CDH11: variants seen among roughly 807,000 people sequenced by gnomAD.
The protein encoded by CDH11 is cadherin 11.
Under a neutral mutation model 67.8 loss-of-function variants are expected in CDH11, and 11 were observed. The ratio of observed to expected loss-of-function variants is 0.16; its 90% confidence interval spans 0.10 to 0.27. The LOEUF is 0.27. CDH11 is among the 10% of genes least tolerant of loss of function. The pLI is 1.00. For synonymous variants in CDH11, 419 were observed against 400.0 expected (o/e 1.05, Z -0.57); for missense variants, 847 against 1,031.2 (o/e 0.82, Z 2.45).
At chr16:65,031,275 C>T (rs577057157) in intron 2 of CDH11, among the ~76,000 whole-genome samples, 41 of 152,336 alleles carry the variant, frequency 2.7e-4, no homozygotes, top group Non-Finnish European at 5.0e-4. Flanking sequence ...GTGTATTAAG[C>T]AGAGGCAATA....
At chr16:64,950,638 C>A (rs1178118379) in intron 12 of CDH11, 129 bp downstream of exon 12, 17 of 609,426 alleles carry the variant, frequency 2.8e-5, no homozygotes, top group East Asian at 5.9e-5. Context: ...TACCCCACTT[C>A]TTTTCTTGAA....
Position 64,947,932 on chromosome 16 carries a change from T to G in CDH11, c.2062A>C (p.Asn688His). ...ATGTCTTTGCGGGGGATAAATCCAT[T>G]GATACCATCAGGATTCTGGAGGGTG... ...IATLQNPDGI[N>H]GFIPRKDIKP... The change falls in exon 13 of 13, where the codon AAT becomes CAT. Residue 688 changes from asparagine to histidine, a missense_variant. Physicochemically the swap from Asn to His is moderately conservative, Grantham distance 68 (BLOSUM62 1). Coordinates refer to ENST00000268603, the MANE Select transcript of CDH11 (RefSeq NM_001797.4). 6.2e-7 allele frequency: 1 copy of G among 1,614,170 alleles called. No homozygotes were observed. The highest frequency in any genetic ancestry group is 8.5e-7 in the Non-Finnish European group (1 of 1,180,024).
chr16:65,070,310 C>T lies in CDH11; in HGVS notation c.-297-16382G>A, dbSNP rs570109691. On this transcript the variant is annotated intron_variant, in intron 1 of 12. Coordinates refer to ENST00000268603, the MANE Select transcript of CDH11 (RefSeq NM_001797.4). ...CTCCTCATGTCCACAAAAGCAAACA[C>T]CTATCCAGTAGGAGAGTGAAGGAAG... Among the ~76,000 whole-genome samples, 31 of 152,282 alleles carry T rather than the reference C, an allele frequency of 2.0e-4. No homozygotes were observed. The South Asian group carries it at 2.3e-3, about 11-fold the overall frequency.
At chr16:65,063,205 T>G (rs2074260981) in intron 1 of CDH11, among the ~76,000 whole-genome samples, 1 of 152,184 alleles carries the variant, frequency 6.6e-6, no homozygotes, top group Non-Finnish European at 1.5e-5. Context: ...GTGCTTTAGA[T>G]GTAAATGTGA....
intron 11 of CDH11, among the ~76,000 whole-genome samples, chr16:64,953,674 T>C (rs990906950): frequency 6.6e-6 from 1 of 152,184 alleles, no homozygotes; most frequent in Non-Finnish European, 1.5e-5. Flanking sequence ...AAATTACATA[T>C]CTATAATAAA....
At position 65,004,909 on chromosome 16, in the gene CDH11, C is replaced by A; in HGVS notation, c.-40G>T. ...TAGGCACAGGAGAATGCAGCTGTCA[C>A]CCCTTCCACCAACTGTACGGTGGTC... On this transcript the variant is annotated 5_prime_UTR_variant, in exon 3 of 13. Coordinates refer to ENST00000268603, the MANE Select transcript of CDH11 (RefSeq NM_001797.4). The A allele has an allele frequency of 6.8e-7, 1 of 1,471,832 alleles. No individual in the cohort carries two copies. Among genetic ancestry groups the A allele is most frequent in the Middle Eastern group, 1.8e-4 (1 of 5,562 alleles). 91.2% of individuals were successfully genotyped at this position (1,471,832 alleles called of 1,614,324 possible). A position where few individuals can be genotyped will look rare whatever the true frequency, so the allele number is the denominator to read the frequency against.
intron 4 of CDH11, 137 bp downstream of exon 4, chr16:64,998,425 T>TTC: frequency 2.5e-6 from 2 of 797,836 alleles, no homozygotes; most frequent in Admixed American, 2.3e-5. Flanking sequence ...AACAAAAGAA[T>TTC]TTTTGTTCCT....
intron 1 of CDH11, among the ~76,000 whole-genome samples, chr16:65,061,654 C>T (rs2074237330): frequency 6.6e-6 from 1 of 152,208 alleles, no homozygotes; most frequent in Non-Finnish European, 1.5e-5. Context: ...TTTCTAAATA[C>T]TTCACATGCC....
rs180776724 is a variant in CDH11, at chr16:65,030,661, C to T, written c.-173+23143G>A. Among the ~76,000 whole-genome samples, 7 of 152,272 alleles carry T rather than the reference C, an allele frequency of 4.6e-5. No individual in the cohort carries two copies. In the East Asian group the frequency reaches 1.4e-3, roughly 29 times the overall value. ...TTTCGGCTCACTGCAACCTCTGCCT[C>T]CAAGGCTCAAGTGATTCTCCTGGCT... On this transcript the variant is annotated intron_variant, in intron 2 of 12. Transcript: ENST00000268603.
At position 64,945,414 on chromosome 16, in the gene CDH11, C is replaced by T. The variant is rs897994573; in HGVS notation, c.*2189G>A. The T allele has an allele frequency of 2.2e-5, 23 of 1,033,786 alleles. No individual in the cohort carries two copies. The East Asian group carries it at 1.3e-3, about 56-fold the overall frequency. The allele number at this position is 1,033,786 out of a possible 1,614,324, so 64.0% of individuals were successfully genotyped here. On this transcript the variant is annotated 3_prime_UTR_variant, in exon 13 of 13. Transcript: ENST00000268603. ...AAATGCGAAAATGTAGTTGTCATCT[C>T]TAATCCAAATACATTCCTAGAGAAA...
chr16:64,969,205 A>G (rs923092899), intron 11 of CDH11, among the ~76,000 whole-genome samples: 2 of 152,322 alleles, frequency 1.3e-5, no homozygotes, highest in South Asian at 2.1e-4. Flanking sequence ...CTAGAGAACA[A>G]TGTGTCTTAG....
chr16:65,082,847 C>T (rs867175203), intron 1 of CDH11, among the ~76,000 whole-genome samples: 2 of 152,266 alleles, frequency 1.3e-5, no homozygotes, highest in Middle Eastern at 3.4e-3. Context: ...AAACCATTAC[C>T]TTCCTGGTAG....
chr16:65,064,246 CT>C (rs1274488986), intron 1 of CDH11, among the ~76,000 whole-genome samples: 1 of 152,254 alleles, frequency 6.6e-6, no homozygotes, highest in Non-Finnish European at 1.5e-5. Context: ...TAAGATGCAG[CT>C]GCAAGCTGAT....
At chr16:64,948,164 A>G in intron 12 of CDH11, 65 bp from the exon 13 acceptor site, 2 of 1,551,470 alleles carry the variant, frequency 1.3e-6, no homozygotes, top group Non-Finnish European at 1.7e-6. Flanking sequence ...CTTCTGCCAG[A>G]GGAACTCTGA....
intron 1 of CDH11, among the ~76,000 whole-genome samples, chr16:65,065,875 G>T (rs2074304853): frequency 6.6e-6 from 1 of 152,204 alleles, no homozygotes; most frequent in Admixed American, 6.5e-5. Flanking sequence ...CAATAGCCAA[G>T]CCTGCTATGT....
At chr16:65,096,959 GA>G (rs2074908689) in intron 1 of CDH11, among the ~76,000 whole-genome samples, 1 of 151,438 alleles carries the variant, frequency 6.6e-6, no homozygotes, top group Admixed American at 6.6e-5. Flanking sequence ...CTTTCAGTTT[GA>G]TTTTTTTTTG....
At chr16:65,092,886 T>C (rs1350376670) in intron 1 of CDH11, among the ~76,000 whole-genome samples, 1 of 151,910 alleles carries the variant, frequency 6.6e-6, no homozygotes, top group Non-Finnish European at 1.5e-5. Flanking sequence ...TGTGATGTAC[T>C]TTTTAACAAA....
Position 64,971,632 on chromosome 16 carries a change from C to A in CDH11, c.1589G>T (p.Ser530Ile), listed in dbSNP as rs1470711937. Residue 530 changes from serine to isoleucine, a missense_variant, in exon 11 of 13, where the codon AGC becomes ATC. By Grantham distance (142) the Ser-to-Ile change is moderately radical. Around this residue, in one of 2 missense-constraint regions of CDH11, gnomAD observed 612 missense variants for 678.7 expected, o/e 0.90. Transcript: ENST00000268603. ...DTANGPRFIF[S>I]LPPEIIHNPN... ...ATTGTGAATGATTTCAGGGGGTAGG[C>A]TGAAGATAAATCTTGGTCCATTGGC... 6.2e-7 allele frequency: 1 copy of A among 1,613,620 alleles called. No individual in the cohort carries two copies. Among genetic ancestry groups the A allele is most frequent in the African/African-American group, 1.3e-5 (1 of 74,890 alleles).
chr16:64,946,814 T>C lies in CDH11; in HGVS notation c.*789A>G. On this transcript the variant is annotated 3_prime_UTR_variant, in exon 13 of 13. Transcript: ENST00000268603. Reference sequence around the variant, plus strand: ...AATCTTTTTTTATTTCAAAGATTGCTTCTTATATTGAAGCTCATATTAAAG... The same window carrying C: ...AATCTTTTTTTATTTCAAAGATTGCCTCTTATATTGAAGCTCATATTAAAG... 1 of 877,906 alleles carries C rather than the reference T, an allele frequency of 1.1e-6. No individual in the cohort carries two copies. The highest frequency in any genetic ancestry group is 1.4e-6 in the Non-Finnish European group (1 of 720,794). The allele number at this position is 877,906 out of a possible 1,614,324, so 54.4% of individuals were successfully genotyped here.
Sources: gnomAD v4.1 joint callset for allele counts (sites outside exome capture counted in the v4.1 genomes callset) on GRCh38, gnomAD v4.1.1 for gene constraint, gnomAD v4.1.1 regional missense constraint, MANE v1.5 for transcripts, NCBI Gene and HGNC (gene_info 2026-07-23, HGNC 2026-07-21) for gene names.